Variants in GRIA4 observed in about 807,000 individuals in gnomAD.
The protein encoded by GRIA4 is glutamate receptor 4.
A neutral mutation model predicts 104.0 loss-of-function variants in GRIA4; 34 were observed. The observed-to-expected ratio is 0.33, with a 90% CI of 0.25 to 0.44. The LOEUF is 0.44. Ranked by LOEUF, GRIA4 falls within the 20% of genes least tolerant of loss-of-function variation. The probability of loss-of-function intolerance (pLI) is 1.00; values close to 1 mark genes in which losing one functional copy is unlikely to be tolerated. For synonymous variants in GRIA4, 386 were observed against 381.9 expected (o/e 1.01, Z -0.13); for missense variants, 750 against 1,096.5 (o/e 0.68, Z 4.46).
At chr11:105,639,464 C>G (rs1232983404) in intron 3 of GRIA4, among the ~76,000 whole-genome samples, 1 of 151,854 alleles carries the variant, frequency 6.6e-6, no homozygotes, top group African/African-American at 2.4e-5. Context: ...TCAATTATTT[C>G]TCGTATGTCA....
intron 11 of GRIA4, 42 bp downstream of exon 11, chr11:105,918,960 T>A (rs546748865): frequency 8.7e-7 from 1 of 1,150,570 alleles, no homozygotes; most frequent in Admixed American, 1.7e-5. Context: ...TACATACACC[T>A]GAAACTTCTT....
At chr11:105,754,644 C>T (rs1407226971) in intron 4 of GRIA4, among the ~76,000 whole-genome samples, 1 of 152,158 alleles carries the variant, frequency 6.6e-6, no homozygotes, top group East Asian at 1.9e-4. Context: ...GGAGGAACAA[C>T]TTAAGGAGTT....
rs10538700 is a variant in GRIA4 at position 105,953,630 on chromosome 11, TACAC to T, written c.2295-18270_2295-18267del. Among the ~76,000 whole-genome samples the T allele has an allele frequency of 5.9e-3, 893 of 151,556 alleles. 10 individuals carry two copies. Among genetic ancestry groups the T allele is most frequent in the African/African-American group, 0.02 (848 of 41,392 alleles). ...TGTAGCACATATACATGTATACACA[TACAC>T]ACACACACACACATATATATACATA... On this transcript the variant is annotated intron_variant, in intron 14 of 16. Transcript: ENST00000282499.
chr11:105,926,541 T>C (rs536212112), intron 12 of GRIA4, among the ~76,000 whole-genome samples, 200 bp from the exon 13 acceptor site: 1 of 152,264 alleles, frequency 6.6e-6, no homozygotes, highest in African/African-American at 2.4e-5. Context: ...ATATTTTCAG[T>C]GGCATTTATA....
At chr11:105,642,644 G>C (rs1457600270) in intron 3 of GRIA4, among the ~76,000 whole-genome samples, 1 of 147,484 alleles carries the variant, frequency 6.8e-6, no homozygotes, top group East Asian at 2.1e-4. Flanking sequence ...AATTGGTCTA[G>C]ACTACATGTC....
rs561641338 is a variant in GRIA4, at chr11:105,771,744, T to G, written c.487+18524T>G. On this transcript the variant is annotated intron_variant, in intron 4 of 16. Transcript: ENST00000282499. Reference sequence around the variant, plus strand: ...CACAGGTCCATTACATGTAAATTTTTTAAATAATCATATTGGAAAATTTTT... The same window carrying G: ...CACAGGTCCATTACATGTAAATTTTGTAAATAATCATATTGGAAAATTTTT... 3.9e-5 allele frequency among the ~76,000 whole-genome samples: 6 copies of G among 152,202 alleles called. No homozygotes were observed. The East Asian group carries it at 5.8e-4, about 15-fold the overall frequency.
In GRIA4 at chr11:105,898,382, G is replaced by A. The variant is rs1946735745; in HGVS notation, c.840G>A (p.Lys280=). 2 of 1,596,786 alleles carry A rather than the reference G, an allele frequency of 1.3e-6. No individual in the cohort carries two copies. Among genetic ancestry groups the A allele is most frequent in the Non-Finnish European group, 1.7e-6 (2 of 1,164,668 alleles). ...TAATCAAACTAATGGATCGCTGGAAGAAACTAGATCAGAGAGAGTATCCAG... is the reference window on the plus strand; with the variant it reads ...TAATCAAACTAATGGATCGCTGGAAAAAACTAGATCAGAGAGAGTATCCAG... The part of the protein sequence containing the change: ...PMVIKLMDRW[K]KLDQREYPGS... The change falls in exon 7 of 17, where the codon AAG becomes AAA. Residue 280 remains lysine, a synonymous_variant. Transcript: ENST00000282499.
At chr11:105,901,115 T>C (rs1946840098) in intron 7 of GRIA4, among the ~76,000 whole-genome samples, 1 of 152,182 alleles carries the variant, frequency 6.6e-6, no homozygotes, top group South Asian at 2.1e-4. Context: ...AATACTCATC[T>C]TTGTAGTCTT....
intron 13 of GRIA4, among the ~76,000 whole-genome samples, chr11:105,929,156 T>C (rs1947802718): frequency 6.6e-6 from 1 of 152,040 alleles, no homozygotes; most frequent in Non-Finnish European, 1.5e-5. Flanking sequence ...TTCCCTCCTC[T>C]CCCATACATG....
Position 105,933,639 on chromosome 11 carries a change from G to A in GRIA4, c.2047-83G>A, listed in dbSNP as rs536419809. 151 of 1,005,554 alleles carry A rather than the reference G, an allele frequency of 1.5e-4. No homozygotes were observed. The African/African-American group carries it at 1.7e-3, about 12-fold the overall frequency. 62.3% of individuals were successfully genotyped at this position (1,005,554 alleles called of 1,614,324 possible). On this transcript the variant is annotated intron_variant, in intron 13 of 16. Coordinates refer to ENST00000282499, the MANE Select transcript of GRIA4 (RefSeq NM_000829.4). ...GAGAGCAATGGAAAGATACTAAAAC[G>A]CTTTATTCTTATCTTGGTTCAGCGA... is the stretch of plus-strand genomic sequence containing the variant.
chr11:105,800,033 C>T (rs990416497), intron 4 of GRIA4, among the ~76,000 whole-genome samples: 7 of 151,910 alleles, frequency 4.6e-5, no homozygotes, highest in African/African-American at 7.3e-5. Flanking sequence ...TTATGATTAC[C>T]CATAAATTTT....
At chr11:105,628,230 C>T (rs763848480) in intron 3 of GRIA4, among the ~76,000 whole-genome samples, 1 of 152,086 alleles carries the variant, frequency 6.6e-6, no homozygotes, top group East Asian at 1.9e-4. Flanking sequence ...CATACCTTTG[C>T]CCACCATTAT....
chr11:105,863,536 T>A (rs907599941), intron 5 of GRIA4, among the ~76,000 whole-genome samples: 2 of 152,146 alleles, frequency 1.3e-5, no homozygotes, highest in African/African-American at 4.8e-5. Flanking sequence ...AATTTTTAAA[T>A]GGTTAGTTAC....
chr11:105,806,743 A>G (rs923854314), intron 4 of GRIA4, among the ~76,000 whole-genome samples: 1 of 151,880 alleles, frequency 6.6e-6, no homozygotes, highest in Non-Finnish European at 1.5e-5. Context: ...AAATTCAAGA[A>G]AAGTGCCCCA....
At chr11:105,897,122 A>ATATAGGTGTAGGATG (rs1946678436) in intron 6 of GRIA4, among the ~76,000 whole-genome samples, 1 of 152,028 alleles carries the variant, frequency 6.6e-6, no homozygotes, top group Non-Finnish European at 1.5e-5. Flanking sequence ...AGAGGTCTCT[A>ATATAGGTGTAGGATG]ACCTTCTTGG....
chr11:105,839,548 T>C (rs1272874929), intron 4 of GRIA4, among the ~76,000 whole-genome samples: 1 of 151,892 alleles, frequency 6.6e-6, no homozygotes. Context: ...CATATTTCTG[T>C]GTGTTTTATC....
At position 105,662,007 on chromosome 11, in the gene GRIA4, T is replaced by TTGTG. The variant is rs34715406; in HGVS notation, c.247+49588_247+49591dup. Among the ~76,000 whole-genome samples the TTGTG allele has an allele frequency of 7.8e-3, 1,172 of 149,746 alleles. 17 individuals are homozygous for TTGTG. Among genetic ancestry groups the TTGTG allele is most frequent in the African/African-American group, 0.018 (747 of 40,916 alleles). On this transcript the variant is annotated intron_variant, in intron 3 of 16. Coordinates refer to ENST00000282499, the MANE Select transcript of GRIA4 (RefSeq NM_000829.4). ...TGAAGAAAACTGTGTGTGTGTGTGTTTGTGTGTGTGTGTGTGTGCACATCA... is the reference window on the plus strand; with the variant it reads ...TGAAGAAAACTGTGTGTGTGTGTGTTTGTGTGTGTGTGTGTGTGTGTGCACATCA...
chr11:105,685,635 G>T (rs1210658724), intron 3 of GRIA4, among the ~76,000 whole-genome samples: 1 of 152,130 alleles, frequency 6.6e-6, no homozygotes, highest in African/African-American at 2.4e-5. Context: ...ATTTATATAT[G>T]ATCAGAAAAG....
At chr11:105,704,417 A>C (rs1377623343) in intron 3 of GRIA4, among the ~76,000 whole-genome samples, 2 of 152,082 alleles carry the variant, frequency 1.3e-5, no homozygotes, top group Non-Finnish European at 2.9e-5. Context: ...GGCCCTATAG[A>C]AAGAAAACTG....
Sources: allele counts gnomAD v4.1 joint callset (sites outside exome capture counted in the v4.1 genomes callset), GRCh38; gene constraint gnomAD v4.1.1; transcripts MANE v1.5; gene names NCBI Gene and HGNC (gene_info 2026-07-23, HGNC 2026-07-21).